ITPR1: variants seen among roughly 807,000 people sequenced by gnomAD.
ITPR1 encodes the protein inositol 1,4,5-trisphosphate receptor type 1.
In ITPR1, 96 loss-of-function variants were observed where a neutral mutation model predicts 318.4. The ratio of observed to expected loss-of-function variants is 0.30; its 90% CI spans 0.26 to 0.36. The LOEUF (loss-of-function observed/expected upper bound fraction) is 0.36, where lower values mean the gene tolerates loss of function less well. Among genes scored for constraint, ITPR1 ranks in the 10% least tolerant of loss-of-function variants. The pLI is 1.00. For synonymous variants in ITPR1, 1,312 were observed against 1,289.9 expected, an observed-to-expected ratio of 1.02 and a Z score of -0.37; for missense variants, 2,440 against 3,460.2, an observed-to-expected ratio of 0.71 and a Z score of 7.40.
At chr3:4,585,027 C>G (rs1483205418) in intron 4 of ITPR1, among the ~76,000 whole-genome samples, 3 of 152,194 alleles carry the variant, frequency 2.0e-5, no homozygotes, top group Admixed American at 2.0e-4. Context: ...GGTCTACCCA[C>G]GTCAGTGAGA....
rs11349589 is a variant in ITPR1, at chr3:4,546,760, C to CTT, written c.163+25683_163+25684dup. The stretch of plus-strand genomic sequence containing the variant: ...AACCAAGCGCTGGGCCAACTCTGAC[C>CTT]TTTTTTTTTTTTTTTTTTAATCCCT... On this transcript the variant is annotated intron_variant, in intron 4 of 61. Coordinates refer to ENST00000649015, the MANE Select transcript of ITPR1 (RefSeq NM_001378452.1). Among the ~76,000 whole-genome samples the CTT allele has an allele frequency of 3.5e-3, 480 of 138,130 alleles. 8 individuals are homozygous for CTT. In the South Asian group the frequency reaches 0.045, roughly 13 times the overall value. The allele number at this position is 138,130 out of a possible 152,430, so 90.6% of individuals were successfully genotyped here. A position where few individuals can be genotyped will look rare whatever the true frequency, so the allele number is the denominator to read the frequency against.
chr3:4,514,464 A>G (rs1407574090), intron 2 of ITPR1, among the ~76,000 whole-genome samples: 1 of 152,194 alleles, frequency 6.6e-6, no homozygotes, highest in Non-Finnish European at 1.5e-5. Flanking sequence ...GCTTCTTCCC[A>G]TTAAGGGCCT....
Position 4,783,883 on chromosome 3 carries a change from C to T in ITPR1, c.6578C>T (p.Ala2193Val), listed in dbSNP as rs1468243459. 6.2e-7 allele frequency: 1 copy of T among 1,610,000 alleles called. No homozygotes were observed. The highest frequency in any genetic ancestry group is 8.5e-7 in the Non-Finnish European group (1 of 1,178,224). ...KPGGQVDGDEALEFYAKHTAQ... is the reference protein window; with the variant it reads ...KPGGQVDGDEVLEFYAKHTAQ... ...GGTGGCCAAGTGGACGGAGATGAAG[C>T]CCTGGAGTTTTATGCCAAGCACACG... Residue 2193 changes from alanine (A) to valine (V), a missense_variant, in exon 51 of 62, where the codon GCC becomes GTC. By Grantham distance (64) the Ala-to-Val change is moderately conservative. Transcript: ENST00000649015.
At chr3:4,775,485 A>G (rs572235081) in intron 47 of ITPR1, 43 bp downstream of exon 47, 65 of 1,483,310 alleles carry the variant, frequency 4.4e-5, no homozygotes, top group Non-Finnish European at 6.0e-5. Context: ...AAAGTGTCCC[A>G]TTTTGGAAAT....
rs758167031 is a variant in ITPR1, at chr3:4,782,631, A to G, written c.6400A>G (p.Lys2134Glu). The G allele has an allele frequency of 1.2e-6, 2 of 1,607,314 alleles. No homozygotes were observed. Among genetic ancestry groups the G allele is most frequent in the Admixed American group, 3.4e-5 (2 of 59,380 alleles). ...MRPKELVEVI[K>E]KAYMQGEVEF... ...GCTCTTCTTGCAGGTGGAAGTGATC[A>G]AGAAAGCCTACATGCAAGGTGAAGT... The change falls in exon 50 of 62, where the codon AAG becomes GAG. Residue 2134 changes from lysine (K) to glutamate (E), a missense_variant. By Grantham distance (56) the Lys-to-Glu change is moderately conservative. This residue lies in a region of ITPR1 where 49 missense variants were observed against 47.2 expected (regional missense o/e 1.04). Coordinates refer to ENST00000649015, the MANE Select transcript of ITPR1 (RefSeq NM_001378452.1).
chr3:4,525,466 GA>G (rs2082904104), intron 4 of ITPR1, among the ~76,000 whole-genome samples: 1 of 152,120 alleles, frequency 6.6e-6, no homozygotes, highest in Non-Finnish European at 1.5e-5. Context: ...GTGTGTGTGT[GA>G]TTTCCTTGAA....
rs181685997 is a variant in ITPR1, at chr3:4,823,672, G to A, written c.8028+5430G>A. ...AACAGAGACTGGGAAGAGTGAGTTAGGGGAAAAAGGAAAGGAGGAAGAGAA... is the reference window on the plus strand; with the variant it reads ...AACAGAGACTGGGAAGAGTGAGTTAAGGGAAAAAGGAAAGGAGGAAGAGAA... On this transcript the variant is annotated intron_variant, in intron 60 of 61. Coordinates refer to ENST00000649015, the MANE Select transcript of ITPR1 (RefSeq NM_001378452.1). Among the ~76,000 whole-genome samples, 42 of 152,238 alleles carry A rather than the reference G, an allele frequency of 2.8e-4. 1 individual carries two copies. Among genetic ancestry groups the A allele is most frequent in the African/African-American group, 9.6e-4 (40 of 41,544 alleles).
chr3:4,776,672 C>A (rs1002254654), intron 47 of ITPR1, among the ~76,000 whole-genome samples: 3 of 152,144 alleles, frequency 2.0e-5, no homozygotes, highest in Non-Finnish European at 4.4e-5. Context: ...AAAAATACAA[C>A]AGGCTTGGGG....
At chr3:4,748,179 G>T (rs1040173616) in intron 44 of ITPR1, among the ~76,000 whole-genome samples, 18 of 152,292 alleles carry the variant, frequency 1.2e-4, no homozygotes, top group African/African-American at 4.1e-4. Context: ...GGCAGAGCTG[G>T]GATTTGAACA....
intron 4 of ITPR1, among the ~76,000 whole-genome samples, chr3:4,612,066 T>C (rs2092156338): frequency 9.7e-6 from 1 of 103,026 alleles, no homozygotes; most frequent in Non-Finnish European, 2.1e-5. Context: ...TCAGGCCCTT[T>C]TTTTTTTTTT....
chr3:4,800,517 C>T lies in ITPR1; in HGVS notation c.7024C>T (p.Arg2342Trp), dbSNP rs763704589. The T allele has an allele frequency of 3.4e-5, 55 of 1,613,906 alleles. No individual in the cohort carries two copies. Among genetic ancestry groups the T allele is most frequent in the East Asian group, 1.6e-4 (7 of 44,900 alleles). Residue 2342 changes from arginine (R) to tryptophan (W), a missense_variant, in exon 54 of 62, where the codon CGG (arginine) becomes TGG (tryptophan). By Grantham distance (101) the Arg-to-Trp change is moderately radical. This residue lies in a region of ITPR1 where 126 missense variants were observed against 150.8 expected (regional missense o/e 0.84). Coordinates refer to ENST00000649015, the MANE Select transcript of ITPR1 (RefSeq NM_001378452.1). ...VIALPKPHGI[R>W]ALIASTILRL... ...TGCCCTCCCCAAGCCCCATGGCATC[C>T]GGGCCTTAATTGCCTCCACAATTCT...
intron 4 of ITPR1, among the ~76,000 whole-genome samples, chr3:4,549,930 A>C (rs2085390301): frequency 6.6e-6 from 1 of 152,186 alleles, no homozygotes; most frequent in African/African-American, 2.4e-5. Context: ...ACTAACTGAA[A>C]AGCCAAGGGT....
intron 31 of ITPR1, among the ~76,000 whole-genome samples, chr3:4,689,380 T>C (rs2094446301): frequency 6.6e-6 from 1 of 152,220 alleles, no homozygotes; most frequent in South Asian, 2.1e-4. Context: ...TGTAGGATAA[T>C]ATAGGTTGAG....
At chr3:4,827,399 G>A (rs2050149367) in intron 60 of ITPR1, among the ~76,000 whole-genome samples, 1 of 152,196 alleles carries the variant, frequency 6.6e-6, no homozygotes, top group African/African-American at 2.4e-5. Context: ...CCTGGAAAAT[G>A]TTCTGAATAT....
intron 4 of ITPR1, among the ~76,000 whole-genome samples, chr3:4,596,363 C>G (rs1368901597): frequency 6.6e-6 from 1 of 152,134 alleles, no homozygotes; most frequent in African/African-American, 2.4e-5. Context: ...ATGTTTATGT[C>G]TACTCTGTAT....
At chr3:4,616,636 T>C (rs1240211231) in intron 4 of ITPR1, among the ~76,000 whole-genome samples, 1 of 152,234 alleles carries the variant, frequency 6.6e-6, no homozygotes, top group African/African-American at 2.4e-5. Flanking sequence ...TCGTGGATTG[T>C]CTTTTTGGTC....
At chr3:4,680,491 G>T in intron 24 of ITPR1, 62 bp from the exon 25 acceptor site, 1 of 1,500,950 alleles carries the variant, frequency 6.7e-7, no homozygotes, top group South Asian at 1.1e-5. Context: ...GTGGTGGCTT[G>T]GCAGAGTCAA....
chr3:4,511,104 A>G (rs965648820), intron 2 of ITPR1, among the ~76,000 whole-genome samples: 4 of 152,170 alleles, frequency 2.6e-5, no homozygotes, highest in Non-Finnish European at 4.4e-5. Flanking sequence ...CATGAGAGAC[A>G]GATTTGGGAA....
chr3:4,784,686 G>A (rs1245594131), intron 51 of ITPR1, among the ~76,000 whole-genome samples: 6 of 143,426 alleles, frequency 4.2e-5, no homozygotes, highest in African/African-American at 1.6e-4. Context: ...TTCAAGACCA[G>A]CCTGGCCAAC....
Sources: gnomAD v4.1 joint callset for allele counts (sites outside exome capture counted in the v4.1 genomes callset) on GRCh38, gnomAD v4.1.1 for gene constraint, gnomAD v4.1.1 regional missense constraint, MANE v1.5 for transcripts, NCBI Gene and HGNC (gene_info 2026-07-23, HGNC 2026-07-21) for gene names.